AKIP1: variants seen among roughly 807,000 people sequenced by gnomAD.
AKIP1 encodes the protein A-kinase-interacting protein 1.
A neutral mutation model predicts 22.3 loss-of-function variants in AKIP1; 18 were observed. That is an observed-to-expected ratio of 0.81 (90% CI 0.56 to 1.19). The LOEUF is 1.19. Ranked by LOEUF, AKIP1 falls within the 50% of genes most tolerant of loss-of-function variation. AKIP1 has a pLI of 0.00. For synonymous variants in AKIP1, 120 were observed against 102.7 expected (o/e 1.17, Z -1.02); for missense variants, 287 against 264.6 (o/e 1.08, Z -0.59).
In AKIP1 at chr11:8,912,456, GAAGA is replaced by G; in HGVS notation, c.227_230del (p.Glu76GlyfsTer56). On this transcript the variant is annotated frameshift_variant, in exon 3 of 6. Coordinates refer to ENST00000309377, the MANE Select transcript of AKIP1 (RefSeq NM_020642.4). LOFTEE classifies it high-confidence loss of function. ...GACGTGCCATTTATTCAAATAGAGA[GAAGA>G]GAGACCCCCAACCCTTAGTGCTTCC... The G allele has an allele frequency of 6.2e-7, 1 of 1,613,690 alleles. No homozygotes were observed. Among genetic ancestry groups the G allele is most frequent in the Non-Finnish European group, 8.5e-7 (1 of 1,179,570 alleles).
intron 4 of AKIP1, 31 bp downstream of exon 4, chr11:8,914,961 C>T (rs764492452): frequency 9.7e-6 from 15 of 1,540,310 alleles, no homozygotes; most frequent in Middle Eastern, 3.7e-4. Context: ...TGCACCATGC[C>T]TTCAGTCTAC....
In AKIP1 at chr11:8,915,294, C is replaced by T. The variant is rs1457681954; in HGVS notation, c.408+364C>T. Among the ~76,000 whole-genome samples, 3 of 148,816 alleles carry T rather than the reference C, an allele frequency of 2.0e-5. No individual in the cohort carries two copies. In the East Asian group the frequency reaches 5.9e-4, roughly 29 times the overall value. ...ATCCTGGGCAACATAGACCCTTTCTCTAATTTTTTTTTAAAAGAGCTCTAA... is the reference window on the plus strand; with the variant it reads ...ATCCTGGGCAACATAGACCCTTTCTTTAATTTTTTTTTAAAAGAGCTCTAA... On this transcript the variant is annotated intron_variant, in intron 4 of 5. Transcript: ENST00000309377.
Position 8,917,631 on chromosome 11 carries a change from T to C in AKIP1, c.489+264T>C. On this transcript the variant is annotated intron_variant, in intron 5 of 5. Coordinates refer to ENST00000309377, the MANE Select transcript of AKIP1 (RefSeq NM_020642.4). The stretch of plus-strand genomic sequence containing the variant: ...GGAAAGAATGTGAAGTATTCACCTC[T>C]CAGTTCCTACAGCTCAGCTGGGCTG... The C allele has an allele frequency of 5.9e-6, 3 of 511,824 alleles. No individual in the cohort carries two copies. The East Asian group carries it at 8.6e-5, about 15-fold the overall frequency. The allele number at this position is 511,824 out of a possible 1,614,324, so 31.7% of individuals were successfully genotyped here. A position where few individuals can be genotyped will look rare whatever the true frequency, so the allele number is the denominator to read the frequency against.
chr11:8,913,225 G>A (rs1227177158), intron 3 of AKIP1, among the ~76,000 whole-genome samples: 1 of 145,326 alleles, frequency 6.9e-6, no homozygotes, highest in Non-Finnish European at 1.5e-5. Context: ...CCATCACCCA[G>A]GCTGGTGTGC....
chr11:8,917,156 A>G (rs2064497917), intron 4 of AKIP1, 131 bp from the exon 5 acceptor site: 1 of 578,122 alleles, frequency 1.7e-6, no homozygotes, highest in South Asian at 3.1e-5. Context: ...AAATGCCTTA[A>G]TGACTTAGAT....
intron 3 of AKIP1, 32 bp from the exon 4 acceptor site, chr11:8,914,794 G>T: frequency 1.3e-6 from 2 of 1,541,314 alleles, no homozygotes; most frequent in Admixed American, 1.7e-5. Flanking sequence ...AGACAATTTG[G>T]TTAGCTAACA....
At chr11:8,919,250 T>G (rs2064536487) in intron 5 of AKIP1, 87 bp from the exon 6 acceptor site, 1 of 1,329,844 alleles carries the variant, frequency 7.5e-7, no homozygotes, top group South Asian at 1.4e-5. Context: ...CCATCACACC[T>G]CTGCAAGGAC....
rs369093977 is a variant in AKIP1 at position 8,911,472 on chromosome 11, C to T, written c.23C>T (p.Ala8Val). ...GCCATGGACAACTGTTTGGCGGCCG[C>T]AGCGCTGAATGGGGTGGACCGACGT... The part of the protein sequence containing the change: MDNCLAA[A>V]ALNGVDRRSL... Residue 8 changes from alanine (A) to valine (V), a missense_variant, in exon 2 of 6, where the codon GCA (alanine) becomes GTA (valine). Physicochemically the swap from Ala to Val is moderately conservative, Grantham distance 64. Coordinates refer to ENST00000309377, the MANE Select transcript of AKIP1 (RefSeq NM_020642.4). 4.1e-5 allele frequency: 66 copies of T among 1,602,178 alleles called. No homozygotes were observed. Among genetic ancestry groups the T allele is most frequent in the Non-Finnish European group, 5.3e-5 (62 of 1,174,882 alleles).
At chr11:8,914,173 C>T (rs2064441826) in intron 3 of AKIP1, among the ~76,000 whole-genome samples, 1 of 152,212 alleles carries the variant, frequency 6.6e-6, no homozygotes, top group Admixed American at 6.5e-5. Flanking sequence ...CTGTTCAAAA[C>T]AAGCAGGGCT....
chr11:8,919,507 C>T lies in AKIP1; in HGVS notation c.*27C>T, dbSNP rs1566108421. 2 of 1,608,174 alleles carry T rather than the reference C, an allele frequency of 1.2e-6. No individual in the cohort carries two copies. Among genetic ancestry groups the T allele is most frequent in the Non-Finnish European group, 1.7e-6 (2 of 1,177,770 alleles). On this transcript the variant is annotated 3_prime_UTR_variant, in exon 6 of 6. Coordinates refer to ENST00000309377, the MANE Select transcript of AKIP1 (RefSeq NM_020642.4). ...GTTGACCATCACTGCCATCACATCACCTTTTTTTAAGTAGTAAGAATAAAG... is the reference window on the plus strand; with the variant it reads ...GTTGACCATCACTGCCATCACATCATCTTTTTTTAAGTAGTAAGAATAAAG...
chr11:8,912,871 C>CTTTTTTTTTTTTTTTTT (rs71059196), intron 3 of AKIP1, among the ~76,000 whole-genome samples: 2 of 92,950 alleles, frequency 2.2e-5, no homozygotes, highest in Non-Finnish European at 3.8e-5. Flanking sequence ...TTTTTTTTAA[C>CTTTTTTTTTTTTTTTTT]TTTTTTTTTT....
rs184654217 is a variant in AKIP1, at chr11:8,919,578, G to T, written c.*98G>T. On this transcript the variant is annotated 3_prime_UTR_variant, in exon 6 of 6. Transcript: ENST00000309377. ...TAGCTATACATTAATCCTGTTTTTA[G>T]TGCTGACTGGGTCAGCCTTCCGGGA... 38 of 1,355,182 alleles carry T rather than the reference G, an allele frequency of 2.8e-5. No individual in the cohort carries two copies. The Admixed American group carries it at 8.2e-4, about 29-fold the overall frequency. The allele number at this position is 1,355,182 out of a possible 1,614,324, so 83.9% of individuals were successfully genotyped here.
chr11:8,919,394 A>C lies in AKIP1; in HGVS notation c.547A>C (p.Thr183Pro). ...IEVYPGTYSV[T>P]VGSNDLTKKT... ...AGTATATCCAGGGACCTATTCTGTC[A>C]CTGTGGGCTCAAATGACTTAACCAA... The change falls in exon 6 of 6, where the codon ACT becomes CCT. Residue 183 changes from threonine (T) to proline (P), a missense_variant. Transcript: ENST00000309377. 6.2e-7 allele frequency: 1 copy of C among 1,613,986 alleles called. No homozygotes were observed. Among genetic ancestry groups the C allele is most frequent in the Non-Finnish European group, 8.5e-7 (1 of 1,179,806 alleles).
intron 2 of AKIP1, 25 bp downstream of exon 2, chr11:8,911,696 G>T (rs1272289793): frequency 6.8e-7 from 1 of 1,475,586 alleles, no homozygotes; most frequent in Admixed American, 2.6e-5. Context: ...GCCGGGGGCC[G>T]CCCCAGTCCT....
rs2064453938 is a variant in AKIP1, at chr11:8,914,865, C to T, written c.343C>T (p.His115Tyr). 1 of 1,613,844 alleles carries T rather than the reference C, an allele frequency of 6.2e-7. No individual in the cohort carries two copies. The highest frequency in any genetic ancestry group is 8.5e-7 in the Non-Finnish European group (1 of 1,179,970). ...SSVPEEGGAT[H>Y]VYRYHRGESK... Reference sequence around the variant, plus strand: ...TGTGCCAGAGGAAGGAGGGGCAACCCATGTCTATCGTTATCACAGAGGCGA... The same window carrying T: ...TGTGCCAGAGGAAGGAGGGGCAACCTATGTCTATCGTTATCACAGAGGCGA... The change falls in exon 4 of 6, where the codon CAT (histidine) becomes TAT (tyrosine). Residue 115 changes from histidine (H) to tyrosine (Y), a missense_variant. His to Tyr is a moderately conservative substitution (Grantham distance 83). Coordinates refer to ENST00000309377, the MANE Select transcript of AKIP1 (RefSeq NM_020642.4).
chr11:8,913,332 C>A (rs998563968), intron 3 of AKIP1, among the ~76,000 whole-genome samples: 5 of 152,000 alleles, frequency 3.3e-5, no homozygotes, highest in African/African-American at 1.2e-4. Context: ...GGACTACAGG[C>A]ACATGCCACC....
At position 8,919,494 on chromosome 11, in the gene AKIP1, T is replaced by C; in HGVS notation, c.*14T>C. ...TTCCCTGTGTGATGTTGACCATCAC[T>C]GCCATCACATCACCTTTTTTTAAGT... On this transcript the variant is annotated 3_prime_UTR_variant, in exon 6 of 6. Coordinates refer to ENST00000309377, the MANE Select transcript of AKIP1 (RefSeq NM_020642.4). The C allele has an allele frequency of 1.9e-6, 3 of 1,611,270 alleles. No homozygotes were observed. The highest frequency in any genetic ancestry group is 2.5e-6 in the Non-Finnish European group (3 of 1,179,050).
In AKIP1 at chr11:8,919,496, C is replaced by T. The variant is rs1286466089; in HGVS notation, c.*16C>T. On this transcript the variant is annotated 3_prime_UTR_variant, in exon 6 of 6. Coordinates refer to ENST00000309377, the MANE Select transcript of AKIP1 (RefSeq NM_020642.4). The stretch of plus-strand genomic sequence containing the variant: ...CCCTGTGTGATGTTGACCATCACTG[C>T]CATCACATCACCTTTTTTTAAGTAG... 8.7e-6 allele frequency: 14 copies of T among 1,610,482 alleles called. No homozygotes were observed. In the South Asian group the frequency reaches 1.4e-4, roughly 17 times the overall value.
At chr11:8,911,362 C>T in intron 1 of AKIP1, 82 bp from the exon 2 acceptor site, 1 of 1,301,230 alleles carries the variant, frequency 7.7e-7, no homozygotes, top group Non-Finnish European at 1.1e-6. Flanking sequence ...GAGGTCGAGG[C>T]TGGGGCTCCC....
Sources: gnomAD v4.1 joint callset for allele counts (sites outside exome capture counted in the v4.1 genomes callset) on GRCh38, gnomAD v4.1.1 for gene constraint, MANE v1.5 for transcripts, NCBI Gene and HGNC (gene_info 2026-07-23, HGNC 2026-07-21) for gene names.